VBP1: variants seen among roughly 807,000 people sequenced by gnomAD.
The protein encoded by VBP1 is prefoldin subunit 3.
VBP1 carries 4 observed loss-of-function variants against 15.5 expected under a neutral mutation model. That is an observed-to-expected ratio of 0.26 (90% CI 0.13 to 0.59). The LOEUF (loss-of-function observed/expected upper bound fraction) is 0.59. Among genes scored for constraint, VBP1 ranks in the 20% least tolerant of loss-of-function variants. The pLI is 0.90. For synonymous variants in VBP1, 61 were observed against 52.1 expected (o/e 1.17, Z -0.74); for missense variants, 108 against 139.6 (o/e 0.77, Z 1.14).
intron 5 of VBP1, among the ~76,000 whole-genome samples, chrX:155,237,175 G>A (rs1435334803): frequency 1.8e-5 from 2 of 111,330 alleles, no homozygotes; most frequent in Non-Finnish European, 3.8e-5. Flanking sequence ...GGTCAAGGGG[G>A]AAGGCAAGCT....
At chrX:155,232,373 C>A (rs1557311000) in intron 4 of VBP1, among the ~76,000 whole-genome samples, 1 of 110,881 alleles carries the variant, frequency 9.0e-6, no homozygotes, top group African/African-American at 3.3e-5. Flanking sequence ...TTAATGTAAT[C>A]GACTTTATCA....
At chrX:155,220,573 C>T (rs1342106851) in intron 2 of VBP1, among the ~76,000 whole-genome samples, 4 of 111,415 alleles carry the variant, frequency 3.6e-5, no homozygotes, top group African/African-American at 1.3e-4. Flanking sequence ...CTTTCAAAAT[C>T]ATAACGTCTT....
rs2074772886 is a variant in VBP1 at position 155,236,321 on chromosome X, G to A, written c.477G>A (p.Glu159=). ...CCACAAAGAATCTTGATTCCCTGGA[G>A]GAAGACCTTGACTTTCTTCGAGATC... ...STATKNLDSL[E]EDLDFLRDQF... is the part of the protein sequence containing the mutation. Residue 159 remains glutamate (E), a synonymous_variant, in exon 5 of 6, where the codon GAG becomes GAA. Coordinates refer to ENST00000286428, the MANE Select transcript of VBP1 (RefSeq NM_003372.7). 8.3e-7 allele frequency: 1 copy of A among 1,209,147 alleles called. No homozygotes were observed. Among genetic ancestry groups the A allele is most frequent in the African/African-American group, 1.7e-5 (1 of 57,204 alleles).
chrX:155,239,139 C>T lies in VBP1; in HGVS notation c.*297C>T. 1 of 204,062 alleles carries T rather than the reference C, an allele frequency of 4.9e-6. No individual in the cohort carries two copies. The highest frequency in any genetic ancestry group is 8.8e-6 in the Non-Finnish European group (1 of 113,669). 16.8% of individuals were successfully genotyped at this position (204,062 alleles called of 1,213,427 possible). On this transcript the variant is annotated 3_prime_UTR_variant, in exon 6 of 6. Transcript: ENST00000286428. ...TGAGACATGCTATGGAAGCTGAATGCCGGACGCTAGCACAGTTTACTTTTT... is the reference window on the plus strand; with the variant it reads ...TGAGACATGCTATGGAAGCTGAATGTCGGACGCTAGCACAGTTTACTTTTT...
At chrX:155,220,098 C>G (rs915888568) in intron 1 of VBP1, 85 bp from the exon 2 acceptor site, 2 of 936,634 alleles carry the variant, frequency 2.1e-6, no homozygotes, top group Non-Finnish European at 2.9e-6. Flanking sequence ...GCTTTTTTTT[C>G]TTCTATGTTT....
At chrX:155,208,346 C>T (rs2074633013) in intron 1 of VBP1, among the ~76,000 whole-genome samples, 1 of 112,566 alleles carries the variant, frequency 8.9e-6, no homozygotes, top group Admixed American at 9.4e-5. Flanking sequence ...CACCTACGTC[C>T]TTGACCTGAT....
rs782756662 is a variant in VBP1, at chrX:155,220,325, T to C, written c.218+18T>C. The C allele has an allele frequency of 7.1e-6, 8 of 1,134,164 alleles. No homozygotes were observed. The highest frequency in any genetic ancestry group is 9.3e-6 in the Non-Finnish European group (8 of 857,486). The allele number at this position is 1,134,164 out of a possible 1,213,427, so 93.5% of individuals were successfully genotyped here. Reference sequence around the variant, plus strand: ...AAAAGAAGGTAAGTGTAAAAATTTCTAAGTTTTGAAAATCTTATATGACTT... The same window carrying C: ...AAAAGAAGGTAAGTGTAAAAATTTCCAAGTTTTGAAAATCTTATATGACTT... On this transcript the variant is annotated intron_variant, in intron 2 of 5. Transcript: ENST00000286428.
intron 1 of VBP1, among the ~76,000 whole-genome samples, chrX:155,197,734 C>A (rs1365753150): frequency 8.9e-6 from 1 of 112,043 alleles, no homozygotes; most frequent in Non-Finnish European, 1.9e-5. Context: ...GTTCATCTCA[C>A]TAGGGAGTGC....
At chrX:155,229,254 A>ACTAAGT (rs782486213) in intron 4 of VBP1, among the ~76,000 whole-genome samples, 514 of 112,481 alleles carry the variant, frequency 4.6e-3, no homozygotes, top group Middle Eastern at 0.014. Context: ...TATCTTTTAT[A>ACTAAGT]ATTTATCACT....
At position 155,220,318 on chromosome X, in the gene VBP1, A is replaced by G; in HGVS notation, c.218+11A>G. On this transcript the variant is annotated intron_variant, in intron 2 of 5. Coordinates refer to ENST00000286428, the MANE Select transcript of VBP1 (RefSeq NM_003372.7). Reference sequence around the variant, plus strand: ...TCAAAAGAAAAGAAGGTAAGTGTAAAAATTTCTAAGTTTTGAAAATCTTAT... The same window carrying G: ...TCAAAAGAAAAGAAGGTAAGTGTAAGAATTTCTAAGTTTTGAAAATCTTAT... The G allele has an allele frequency of 8.7e-7, 1 of 1,143,396 alleles. No homozygotes were observed. The highest frequency in any genetic ancestry group is 1.2e-6 in the Non-Finnish European group (1 of 864,472). 94.2% of individuals were successfully genotyped at this position (1,143,396 alleles called of 1,213,427 possible).
At chrX:155,221,406 T>C (rs1325315093) in intron 2 of VBP1, among the ~76,000 whole-genome samples, 1 of 110,434 alleles carries the variant, frequency 9.1e-6, no homozygotes, top group Non-Finnish European at 1.9e-5. Context: ...GAGGCTGAGG[T>C]GGGAGGATCG....
chrX:155,229,058 C>T (rs1473503240), intron 4 of VBP1, among the ~76,000 whole-genome samples: 3 of 111,560 alleles, frequency 2.7e-5, no homozygotes, highest in Non-Finnish European at 5.7e-5. Flanking sequence ...ATCTTGTTAC[C>T]TCAGGCAAGT....
intron 2 of VBP1, among the ~76,000 whole-genome samples, chrX:155,225,117 T>C (rs1009082963): frequency 8.9e-6 from 1 of 112,146 alleles, no homozygotes. Context: ...GAATTTATTG[T>C]CTTTATTTAT....
intron 1 of VBP1, among the ~76,000 whole-genome samples, chrX:155,204,256 G>A (rs1320356823): frequency 6.3e-5 from 7 of 111,154 alleles, no homozygotes; most frequent in Admixed American, 2.9e-4. Context: ...GGGTTCAAGC[G>A]ATTCTCTTGC....
chrX:155,230,809 G>A (rs1051242720), intron 4 of VBP1, among the ~76,000 whole-genome samples: 1 of 110,834 alleles, frequency 9.0e-6, no homozygotes, highest in Admixed American at 9.6e-5. Context: ...TCAGCTTCCT[G>A]AATAGCTGGG....
intron 1 of VBP1, among the ~76,000 whole-genome samples, chrX:155,206,938 A>G (rs782267201): frequency 1.8e-5 from 2 of 111,309 alleles, no homozygotes; most frequent in East Asian, 2.8e-4. Flanking sequence ...CTAGGTGTGC[A>G]TGCATGTTAG....
rs921830817 is a variant in VBP1 at position 155,198,636 on chromosome X, A to T, written c.-31+1497A>T. On this transcript the variant is annotated intron_variant, in intron 1 of 6. Coordinates refer to the VBP1 transcript ENST00000535916. ...ATCACCATCATCAAAGACCAAAAGTAGATAAAACCACAAAGATGGGGAAAA... is the reference window on the plus strand; with the variant it reads ...ATCACCATCATCAAAGACCAAAAGTTGATAAAACCACAAAGATGGGGAAAA... Among the ~76,000 whole-genome samples, 5 of 110,896 alleles carry T rather than the reference A, an allele frequency of 4.5e-5. No individual in the cohort carries two copies. The East Asian group carries it at 1.4e-3, about 32-fold the overall frequency.
At chrX:155,216,641 C>T in intron 1 of VBP1, 66 bp downstream of exon 1, 2 of 1,150,305 alleles carry the variant, frequency 1.7e-6, no homozygotes, top group Non-Finnish European at 2.3e-6. Context: ...CTTCCCGGCT[C>T]CCACCCAGGC....
intron 2 of VBP1, among the ~76,000 whole-genome samples, chrX:155,220,767 C>G (rs782158257): frequency 6.4e-4 from 72 of 112,430 alleles, no homozygotes; most frequent in Middle Eastern, 4.6e-3. Context: ...AGTCAATTCA[C>G]TGTAATAAAT....
Sources: gnomAD v4.1 joint callset for allele counts (sites outside exome capture counted in the v4.1 genomes callset) on GRCh38, gnomAD v4.1.1 for gene constraint, MANE v1.5 for transcripts, NCBI Gene and HGNC (gene_info 2026-07-23, HGNC 2026-07-21) for gene names.